PARVA: variants seen among roughly 807,000 people sequenced by gnomAD.
The protein encoded by PARVA is parvin alpha, also known as alpha-parvin.
In PARVA, 25 loss-of-function variants were observed where a neutral mutation model predicts 52.6. The ratio of observed to expected loss-of-function variants is 0.48; its 90% CI spans 0.35 to 0.66. PARVA has a LOEUF of 0.66. Ranked by LOEUF, PARVA falls within the 30% of genes least tolerant of loss-of-function variation. PARVA has a pLI of 0.01. For synonymous variants in PARVA, 185 were observed against 179.1 expected (o/e 1.03, Z -0.26); for missense variants, 373 against 450.9 (o/e 0.83, Z 1.56).
At position 12,392,609 on chromosome 11, in the gene PARVA, TTTTG is replaced by T. The variant is rs143552516; in HGVS notation, c.136+14830_136+14833del. Among the ~76,000 whole-genome samples, 460 of 152,358 alleles carry T rather than the reference TTTTG, an allele frequency of 3.0e-3. 3 individuals carry two copies. The highest frequency in any genetic ancestry group is 0.01 in the African/African-American group (434 of 41,582). On this transcript the variant is annotated intron_variant, in intron 1 of 12. Coordinates refer to ENST00000334956, the MANE Select transcript of PARVA (RefSeq NM_018222.5). ...AAAAATATTATTTGAATATGCCACA[TTTTG>T]TTTATCAGTTGATGGACACTTGGAT... is the stretch of plus-strand genomic sequence containing the variant.
In PARVA at chr11:12,533,632, G is replaced by A. The variant is rs1021084184; in HGVS notation, c.*5707G>A. On this transcript the variant is annotated 3_prime_UTR_variant, in exon 13 of 13. Transcript: ENST00000334956. The stretch of plus-strand genomic sequence containing the variant: ...TAATACTAATAGCCTTACTGAACAC[G>A]GTCAATTAACACATAGCTAGTATGT... 6.6e-5 allele frequency among the ~76,000 whole-genome samples: 10 copies of A among 151,972 alleles called. No homozygotes were observed. The highest frequency in any genetic ancestry group is 5.9e-5 in the Non-Finnish European group (4 of 68,000).
At chr11:12,521,499 T>C (rs1439461421) in intron 12 of PARVA, among the ~76,000 whole-genome samples, 1 of 152,188 alleles carries the variant, frequency 6.6e-6, no homozygotes, top group African/African-American at 2.4e-5. Flanking sequence ...TAGTTGAAGA[T>C]TTGTAATACG....
intron 1 of PARVA, among the ~76,000 whole-genome samples, chr11:12,458,095 A>C (rs1271782619): frequency 6.6e-6 from 1 of 152,188 alleles, no homozygotes; most frequent in East Asian, 1.9e-4. Flanking sequence ...GAATGAGTAC[A>C]TTTTCCAAGT....
At chr11:12,488,973 T>C (rs1247633370) in intron 4 of PARVA, among the ~76,000 whole-genome samples, 2 of 152,102 alleles carry the variant, frequency 1.3e-5, no homozygotes, top group African/African-American at 4.8e-5. Context: ...CCATGAGCAC[T>C]GTCAACAGAA....
At chr11:12,403,530 G>A (rs1939859045) in intron 1 of PARVA, among the ~76,000 whole-genome samples, 1 of 152,332 alleles carries the variant, frequency 6.6e-6, no homozygotes, top group African/African-American at 2.4e-5. Flanking sequence ...AATACTTGAG[G>A]TATGTGCTCA....
intron 12 of PARVA, 43 bp from the exon 13 acceptor site, chr11:12,527,806 G>A: frequency 6.9e-7 from 1 of 1,458,138 alleles, no homozygotes; most frequent in Non-Finnish European, 9.6e-7. Context: ...TTTGGAACAT[G>A]TGGCCCCATG....
At chr11:12,379,690 C>T (rs954878050) in intron 1 of PARVA, among the ~76,000 whole-genome samples, 8 of 152,320 alleles carry the variant, frequency 5.3e-5, no homozygotes, top group African/African-American at 1.9e-4. Flanking sequence ...ATCTTCAGCG[C>T]TGAGGATTAT....
chr11:12,501,377 C>T (rs1252720468), intron 5 of PARVA, among the ~76,000 whole-genome samples: 1 of 151,860 alleles, frequency 6.6e-6, no homozygotes, highest in African/African-American at 2.4e-5. Flanking sequence ...TGCATGCAAA[C>T]TATTCATTAT....
At chr11:12,521,333 C>T (rs993660848) in intron 12 of PARVA, among the ~76,000 whole-genome samples, 1 of 152,170 alleles carries the variant, frequency 6.6e-6, no homozygotes, top group Non-Finnish European at 1.5e-5. Context: ...TGTACAGAAG[C>T]CAATGGTGAC....
At chr11:12,524,019 G>A (rs1357652193) in intron 12 of PARVA, among the ~76,000 whole-genome samples, 1 of 152,216 alleles carries the variant, frequency 6.6e-6, no homozygotes, top group Non-Finnish European at 1.5e-5. Flanking sequence ...GTGATAGGCA[G>A]TGTCTCTGAC....
chr11:12,445,660 C>T lies in PARVA; in HGVS notation c.137-28085C>T, dbSNP rs186507955. ...TGCCCTCGTAAGGTTGGGCTCAGGA[C>T]TTGGGTGACATTGAACCTTAGGCTA... is the stretch of plus-strand genomic sequence containing the variant. On this transcript the variant is annotated intron_variant, in intron 1 of 12. Coordinates refer to ENST00000334956, the MANE Select transcript of PARVA (RefSeq NM_018222.5). 1.5e-3 allele frequency among the ~76,000 whole-genome samples: 228 copies of T among 152,260 alleles called. 1 individual carries two copies. Among genetic ancestry groups the T allele is most frequent in the Non-Finnish European group, 2.8e-3 (190 of 68,016 alleles).
intron 7 of PARVA, among the ~76,000 whole-genome samples, chr11:12,511,296 G>A (rs1383704773): frequency 6.6e-6 from 1 of 152,138 alleles, no homozygotes; most frequent in Non-Finnish European, 1.5e-5. Flanking sequence ...TAACTGGGGG[G>A]AAAATGGGTG....
intron 1 of PARVA, among the ~76,000 whole-genome samples, chr11:12,419,686 G>A (rs1428125823): frequency 1.3e-5 from 2 of 152,074 alleles, no homozygotes; most frequent in African/African-American, 2.4e-5. Context: ...TTTGAGGAAC[G>A]GCCATACTGT....
chr11:12,377,775 C>T lies in PARVA; in HGVS notation c.128C>T (p.Ala43Val), dbSNP rs777298176. 9.9e-6 allele frequency: 15 copies of T among 1,510,638 alleles called. No homozygotes were observed. Among genetic ancestry groups the T allele is most frequent in the Middle Eastern group, 1.7e-4 (1 of 5,866 alleles). 93.6% of individuals were successfully genotyped at this position (1,510,638 alleles called of 1,614,324 possible). ...LGGTLARRKK[A>V]KEVSELQEEG... ...GGGACCCTGGCCCGGAGGAAGAAAG[C>T]CAAGGAGGGTGAGTGCGGCCAGGCC... is the stretch of plus-strand genomic sequence containing the variant. Residue 43 changes from alanine (A) to valine (V), a missense_variant, in exon 1 of 13, where the codon GCC becomes GTC. Physicochemically the swap from Ala to Val is moderately conservative, Grantham distance 64. Transcript: ENST00000334956.
chr11:12,407,993 G>A (rs1436133709), intron 1 of PARVA, among the ~76,000 whole-genome samples: 1 of 152,182 alleles, frequency 6.6e-6, no homozygotes, highest in Non-Finnish European at 1.5e-5. Context: ...CTTTAGTCCA[G>A]GTTTAAGGAC....
At chr11:12,407,212 G>A (rs7102613) in intron 1 of PARVA, among the ~76,000 whole-genome samples, 17,784 of 152,176 alleles carry the variant, frequency 0.12, 1,672 homozygotes, top group African/African-American at 0.26. Flanking sequence ...TGTTTAAAAT[G>A]TGTATATCTG....
chr11:12,496,840 C>T (rs1486640748), intron 5 of PARVA, among the ~76,000 whole-genome samples: 1 of 152,182 alleles, frequency 6.6e-6, no homozygotes, highest in Non-Finnish European at 1.5e-5. Flanking sequence ...TGCATAGAAA[C>T]CTCACGTGAA....
chr11:12,525,313 A>G (rs1029788697), intron 12 of PARVA, among the ~76,000 whole-genome samples: 2 of 152,150 alleles, frequency 1.3e-5, no homozygotes, highest in African/African-American at 4.8e-5. Context: ...TGGAAGTGTG[A>G]ATGATGTGCC....
chr11:12,468,973 C>T (rs540766241), intron 1 of PARVA, among the ~76,000 whole-genome samples: 1 of 152,132 alleles, frequency 6.6e-6, no homozygotes, highest in African/African-American at 2.4e-5. Flanking sequence ...GGATCAAGAT[C>T]ATCATGATTC....
Sources: allele counts gnomAD v4.1 joint callset (sites outside exome capture counted in the v4.1 genomes callset), GRCh38; gene constraint gnomAD v4.1.1; transcripts MANE v1.5; gene names NCBI Gene and HGNC (gene_info 2026-07-23, HGNC 2026-07-21).